The following SLC5A3 variants were observed in gnomAD, a reference collection of about 807,000 sequenced individuals.
SLC5A3 encodes the protein solute carrier family 5 member 3.
SLC5A3 carries 10 observed loss-of-function variants against 43.2 expected under a neutral mutation model. That is an observed-to-expected ratio of 0.23 (90% CI 0.14 to 0.39). SLC5A3 has a LOEUF of 0.39. SLC5A3 is among the 10% of genes least tolerant of loss of function. The pLI is 1.00. For missense variants in SLC5A3, 608 were observed against 893.4 expected (o/e 0.68, Z 4.07); for synonymous variants, 349 against 322.0 (o/e 1.08, Z -0.90).
At position 34,100,471 on chromosome 21, in the gene SLC5A3, A is replaced by G. The variant is rs546165935; in HGVS notation, c.*3116A>G. ...ATTAGAGAAGCATCAAGCAATAGCA[A>G]TGGTGCTGTGTCCTTCGGCCTAAAT... On this transcript the variant is annotated 3_prime_UTR_variant, in exon 2 of 2. Coordinates refer to ENST00000381151, the MANE Select transcript of SLC5A3 (RefSeq NM_006933.7). 6.0e-6 allele frequency: 6 copies of G among 1,000,206 alleles called. No individual in the cohort carries two copies. Among genetic ancestry groups the G allele is most frequent in the African/African-American group, 1.7e-5 (1 of 57,348 alleles). 62.0% of individuals were successfully genotyped at this position (1,000,206 alleles called of 1,614,324 possible).
Position 34,105,061 on chromosome 21 carries a change from T to G in SLC5A3, c.*7706T>G. The G allele has an allele frequency of 1.0e-6, 1 of 1,000,198 alleles. No homozygotes were observed. Among genetic ancestry groups the G allele is most frequent in the Non-Finnish European group, 1.2e-6 (1 of 829,878 alleles). 62.0% of individuals were successfully genotyped at this position (1,000,198 alleles called of 1,614,324 possible). A position where few individuals can be genotyped will look rare whatever the true frequency, so the allele number is the denominator to read the frequency against. ...CAAGTCTTTTGCTCATAGACTTTTC[T>G]GTGGGGTTATTAAAATGCAAAAGCT... On this transcript the variant is annotated 3_prime_UTR_variant, in exon 2 of 2. Coordinates refer to ENST00000381151, the MANE Select transcript of SLC5A3 (RefSeq NM_006933.7).
rs1979223860 is a variant in SLC5A3 at position 34,101,236 on chromosome 21, ATTAGAT to A, written c.*3887_*3892del. 1.0e-6 allele frequency: 1 copy of A among 1,000,040 alleles called. No homozygotes were observed. Among genetic ancestry groups the A allele is most frequent in the African/African-American group, 1.7e-5 (1 of 57,220 alleles). 61.9% of individuals were successfully genotyped at this position (1,000,040 alleles called of 1,614,324 possible). On this transcript the variant is annotated 3_prime_UTR_variant, in exon 2 of 2. Transcript: ENST00000381151. ...AATCTGCATATGTAGAATCATTTTC[ATTAGAT>A]TTAGAGCTTGAAGCACCTTGGCTCT... is the stretch of plus-strand genomic sequence containing the variant.
Position 34,104,670 on chromosome 21 carries a change from T to A in SLC5A3, c.*7315T>A. 1 of 1,000,262 alleles carries A rather than the reference T, an allele frequency of 1.0e-6. No homozygotes were observed. The highest frequency in any genetic ancestry group is 1.2e-6 in the Non-Finnish European group (1 of 829,974). The allele number at this position is 1,000,262 out of a possible 1,614,324, so 62.0% of individuals were successfully genotyped here. A position where few individuals can be genotyped will look rare whatever the true frequency, so the allele number is the denominator to read the frequency against. On this transcript the variant is annotated 3_prime_UTR_variant, in exon 2 of 2. Transcript: ENST00000381151. ...GCCAGGAATGAGCCTACCACATTATTTGAGAATATCAAACCTCAGGCCTGG... is the reference window on the plus strand; with the variant it reads ...GCCAGGAATGAGCCTACCACATTATATGAGAATATCAAACCTCAGGCCTGG...
rs1979212251 is a variant in SLC5A3 at position 34,100,989 on chromosome 21, A to G, written c.*3634A>G. ...CTGGCTCATTTTCATCAGAGGCATG[A>G]TGACTGGAAAGGGATCACATGGGTC... On this transcript the variant is annotated 3_prime_UTR_variant, in exon 2 of 2. Transcript: ENST00000381151. 1 of 1,000,170 alleles carries G rather than the reference A, an allele frequency of 1.0e-6. No individual in the cohort carries two copies. Among genetic ancestry groups the G allele is most frequent in the Non-Finnish European group, 1.2e-6 (1 of 829,930 alleles). 62.0% of individuals were successfully genotyped at this position (1,000,170 alleles called of 1,614,324 possible). A position where few individuals can be genotyped will look rare whatever the true frequency, so the allele number is the denominator to read the frequency against.
rs1979407504 is a variant in SLC5A3 at position 34,104,888 on chromosome 21, T to G, written c.*7533T>G. The G allele has an allele frequency of 3.0e-6, 3 of 1,000,150 alleles. No homozygotes were observed. Among genetic ancestry groups the G allele is most frequent in the Non-Finnish European group, 3.6e-6 (3 of 829,968 alleles). The allele number at this position is 1,000,150 out of a possible 1,614,324, so 62.0% of individuals were successfully genotyped here. The stretch of plus-strand genomic sequence containing the variant: ...GTACAAAAAAATGCTTCTGGAGATT[T>G]CTTTGGCAGAAATGCCTTTCATCTA... On this transcript the variant is annotated 3_prime_UTR_variant, in exon 2 of 2. Coordinates refer to ENST00000381151, the MANE Select transcript of SLC5A3 (RefSeq NM_006933.7).
At position 34,097,120 on chromosome 21, in the gene SLC5A3, A is replaced by G; in HGVS notation, c.1922A>G (p.Glu641Gly). The G allele has an allele frequency of 3.1e-6, 5 of 1,614,040 alleles. No homozygotes were observed. Among genetic ancestry groups the G allele is most frequent in the Non-Finnish European group, 4.2e-6 (5 of 1,179,962 alleles). ...AATGGGCAAGCAGCTCTCATGGGTG[A>G]GAAAGAGAGAAAGAAAGAAACGGAT... The part of the protein sequence containing the change: ...YSNGQAALMG[E>G]KERKKETDDG... The change falls in exon 2 of 2, where the codon GAG becomes GGG. Residue 641 changes from glutamate (E) to glycine (G), a missense_variant. By Grantham distance (98) the Glu-to-Gly change is moderately conservative. This residue lies in a region of SLC5A3 where 210 missense variants were observed against 224.8 expected (regional missense o/e 0.93). Transcript: ENST00000381151.
chr21:34,098,413 G>C lies in SLC5A3; in HGVS notation c.*1058G>C, dbSNP rs1020567577. On this transcript the variant is annotated 3_prime_UTR_variant, in exon 2 of 2. Transcript: ENST00000381151. Reference sequence around the variant, plus strand: ...ATATATCAAGGTTGAATTTTTAGAGGGAAAATTTAATTCTGATATCTTATT... The same window carrying C: ...ATATATCAAGGTTGAATTTTTAGAGCGAAAATTTAATTCTGATATCTTATT... 5 of 999,942 alleles carry C rather than the reference G, an allele frequency of 5.0e-6. No individual in the cohort carries two copies. The highest frequency in any genetic ancestry group is 6.0e-6 in the Non-Finnish European group (5 of 829,914). 61.9% of individuals were successfully genotyped at this position (999,942 alleles called of 1,614,324 possible). A position where few individuals can be genotyped will look rare whatever the true frequency, so the allele number is the denominator to read the frequency against.
intron 1 of SLC5A3, among the ~76,000 whole-genome samples, chr21:34,079,518 C>T (rs1403692277): frequency 6.6e-6 from 1 of 151,690 alleles, no homozygotes; most frequent in African/African-American, 2.4e-5. Context: ...TCACTGCAAC[C>T]TCTGCCTCCT....
intron 1 of SLC5A3, among the ~76,000 whole-genome samples, chr21:34,092,255 A>G (rs1369182378): frequency 6.6e-6 from 1 of 152,192 alleles, no homozygotes; most frequent in Non-Finnish European, 1.5e-5. Context: ...GCATTATAGT[A>G]TTTTATATAT....
rs1979215956 is a variant in SLC5A3, at chr21:34,101,078, G to A, written c.*3723G>A. On this transcript the variant is annotated 3_prime_UTR_variant, in exon 2 of 2. Transcript: ENST00000381151. ...GAGAGATGTATACAAGACCTTTCCT[G>A]TTAAATTACGTGACTACAGAGACTT... The A allele has an allele frequency of 1.0e-6, 1 of 1,000,092 alleles. No homozygotes were observed. Among genetic ancestry groups the A allele is most frequent in the Non-Finnish European group, 1.2e-6 (1 of 829,916 alleles). 62.0% of individuals were successfully genotyped at this position (1,000,092 alleles called of 1,614,324 possible).
In SLC5A3 at chr21:34,106,142, T is replaced by G; in HGVS notation, c.*8787T>G. 1.0e-6 allele frequency: 1 copy of G among 994,502 alleles called. No individual in the cohort carries two copies. Among genetic ancestry groups the G allele is most frequent in the Non-Finnish European group, 1.2e-6 (1 of 824,648 alleles). 61.6% of individuals were successfully genotyped at this position (994,502 alleles called of 1,614,324 possible). Reference sequence around the variant, plus strand: ...AAGTATTTGGAAACTTAAGATGAACTACATTTCTTGCAAAGTACATTCCTT... The same window carrying G: ...AAGTATTTGGAAACTTAAGATGAACGACATTTCTTGCAAAGTACATTCCTT... On this transcript the variant is annotated 3_prime_UTR_variant, in exon 2 of 2. Transcript: ENST00000381151.
chr21:34,087,568 A>G (rs1193673714), intron 1 of SLC5A3, among the ~76,000 whole-genome samples: 2 of 152,214 alleles, frequency 1.3e-5, no homozygotes, highest in Admixed American at 6.5e-5. Flanking sequence ...GATAAATACA[A>G]AGTTGGAAGG....
chr21:34,103,093 AT>A lies in SLC5A3; in HGVS notation c.*5740del. 1 of 1,000,104 alleles carries A rather than the reference AT, an allele frequency of 1.0e-6. No individual in the cohort carries two copies. The highest frequency in any genetic ancestry group is 1.2e-6 in the Non-Finnish European group (1 of 829,922). 62.0% of individuals were successfully genotyped at this position (1,000,104 alleles called of 1,614,324 possible). A position where few individuals can be genotyped will look rare whatever the true frequency, so the allele number is the denominator to read the frequency against. On this transcript the variant is annotated 3_prime_UTR_variant, in exon 2 of 2. Coordinates refer to ENST00000381151, the MANE Select transcript of SLC5A3 (RefSeq NM_006933.7). ...AGTAACTCATCTTTTTGTTGTTATAATTGGAAACAGAAACGAGGCTTATTGC... is the reference window on the plus strand; with the variant it reads ...AGTAACTCATCTTTTTGTTGTTATAATGGAAACAGAAACGAGGCTTATTGC...
chr21:34,074,365 C>A (rs1466249960), intron 1 of SLC5A3, among the ~76,000 whole-genome samples: 3 of 152,242 alleles, frequency 2.0e-5, no homozygotes, highest in African/African-American at 4.8e-5. Context: ...TTTCTGACTT[C>A]AGCGAAAATC....
At position 34,098,181 on chromosome 21, in the gene SLC5A3, A is replaced by G. The variant is rs1333168840; in HGVS notation, c.*826A>G. On this transcript the variant is annotated 3_prime_UTR_variant, in exon 2 of 2. Coordinates refer to ENST00000381151, the MANE Select transcript of SLC5A3 (RefSeq NM_006933.7). ...TTGTTTATATAGTTTGGAAATGACC[A>G]GCCCCCTAAGCAGTGTTTGATTAAC... 1.0e-6 allele frequency: 1 copy of G among 999,752 alleles called. No individual in the cohort carries two copies. The highest frequency in any genetic ancestry group is 1.1e-4 in the East Asian group (1 of 8,838). The allele number at this position is 999,752 out of a possible 1,614,324, so 61.9% of individuals were successfully genotyped here.
Position 34,098,827 on chromosome 21 carries a change from A to G in SLC5A3, c.*1472A>G, listed in dbSNP as rs7276760. ...GTACTTCTGTGTCTTCGTATGCTCA[A>G]CACTGTCCTTTGTCCTCCATGAAAG... On this transcript the variant is annotated 3_prime_UTR_variant, in exon 2 of 2. Coordinates refer to ENST00000381151, the MANE Select transcript of SLC5A3 (RefSeq NM_006933.7). 1.6e-3 allele frequency: 1,614 copies of G among 1,000,014 alleles called. 24 individuals are homozygous for G. In the African/African-American group the frequency reaches 0.026, roughly 16 times the overall value. 61.9% of individuals were successfully genotyped at this position (1,000,014 alleles called of 1,614,324 possible).
chr21:34,090,675 T>TCCC (rs1978640159), intron 1 of SLC5A3, among the ~76,000 whole-genome samples: 2 of 152,180 alleles, frequency 1.3e-5, no homozygotes, highest in East Asian at 3.8e-4. Flanking sequence ...CTGAGCCACC[T>TCCC]CCCCATTGCA....
intron 1 of SLC5A3, among the ~76,000 whole-genome samples, chr21:34,075,586 G>A (rs1989309893): frequency 6.6e-6 from 1 of 152,218 alleles, no homozygotes; most frequent in African/African-American, 2.4e-5. Flanking sequence ...TAATAAAGGT[G>A]AACTGCCTCT....
At position 34,102,120 on chromosome 21, in the gene SLC5A3, A is replaced by G. The variant is rs1008559921; in HGVS notation, c.*4765A>G. On this transcript the variant is annotated 3_prime_UTR_variant, in exon 2 of 2. Coordinates refer to ENST00000381151, the MANE Select transcript of SLC5A3 (RefSeq NM_006933.7). ...CAAATCTTTTTCTTCTGTCAAGGTC[A>G]CTTAATATGGAATGTTTTTGTCAGA... 3 of 999,982 alleles carry G rather than the reference A, an allele frequency of 3.0e-6. No homozygotes were observed. The African/African-American group carries it at 5.2e-5, about 17-fold the overall frequency. 61.9% of individuals were successfully genotyped at this position (999,982 alleles called of 1,614,324 possible).
Sources: gnomAD v4.1 joint callset for allele counts (sites outside exome capture counted in the v4.1 genomes callset) on GRCh38, gnomAD v4.1.1 for gene constraint, gnomAD v4.1.1 regional missense constraint, MANE v1.5 for transcripts, NCBI Gene and HGNC (gene_info 2026-07-23, HGNC 2026-07-21) for gene names.